Variants in KLF12 observed in about 807,000 individuals in gnomAD.
KLF12 encodes Krueppel-like factor 12.
A neutral mutation model predicts 37.8 loss-of-function variants in KLF12; 9 were observed. The observed-to-expected ratio is 0.24, with a 90% confidence interval of 0.14 to 0.42. The LOEUF (loss-of-function observed/expected upper bound fraction) is 0.42, where lower values mean the gene tolerates loss of function less well. Ranked by LOEUF, KLF12 falls within the 10% of genes least tolerant of loss-of-function variation. KLF12 has a pLI of 1.00. For synonymous variants in KLF12, 208 were observed against 202.1 expected (o/e 1.03, Z -0.25); for missense variants, 411 against 516.0 (o/e 0.80, Z 1.97).
chr13:74,263,189 T>C, the KLF12 span, among the ~76,000 whole-genome samples: 1 of 152,224 alleles, frequency 6.6e-6, no homozygotes, highest in Non-Finnish European at 1.5e-5. Flanking sequence ...CTAACTCTTA[T>C]AGCTAAGTAA....
chr13:73,988,632 A>G (rs1891887963), intron 2 of KLF12, among the ~76,000 whole-genome samples: 1 of 152,198 alleles, frequency 6.6e-6, no homozygotes, highest in Non-Finnish European at 1.5e-5. Context: ...TTATCAACAC[A>G]GAGTAGAACA....
At chr13:74,199,834 T>A in the KLF12 span, among the ~76,000 whole-genome samples, 3 of 152,040 alleles carry the variant, frequency 2.0e-5, no homozygotes, top group African/African-American at 7.2e-5. Context: ...ATACAACAGG[T>A]CGTGGTGATC....
At chr13:74,241,866 C>T in the KLF12 span, among the ~76,000 whole-genome samples, 2 of 152,172 alleles carry the variant, frequency 1.3e-5, no homozygotes, top group African/African-American at 4.8e-5. Context: ...GTGAGATGAA[C>T]CCGGTACCTC....
the KLF12 span, among the ~76,000 whole-genome samples, chr13:74,303,055 G>A: frequency 6.6e-6 from 1 of 152,096 alleles, no homozygotes; most frequent in African/African-American, 2.4e-5. Context: ...GGTATTGATT[G>A]TTATACCAGG....
chr13:73,823,203 C>A (rs74541820), intron 4 of KLF12, among the ~76,000 whole-genome samples: 4,293 of 151,814 alleles, frequency 0.028, 86 homozygotes, highest in African/African-American at 0.044. Context: ...AGATTAAAAT[C>A]TGTTATAATA....
chr13:74,275,927 T>TTCTTTCTG, the KLF12 span, among the ~76,000 whole-genome samples: 1 of 147,454 alleles, frequency 6.8e-6, no homozygotes, highest in Non-Finnish European at 1.5e-5. Context: ...CTTTCTTTCT[T>TTCTTTCTG]TCTTCATTTG....
intron 3 of KLF12, among the ~76,000 whole-genome samples, chr13:73,892,607 T>C (rs868290334): frequency 2.0e-5 from 3 of 152,196 alleles, no homozygotes; most frequent in South Asian, 4.1e-4. Flanking sequence ...AGAAATCTAA[T>C]GGCCATCAAT....
At chr13:74,283,103 CAT>C in the KLF12 span, among the ~76,000 whole-genome samples, 8 of 152,158 alleles carry the variant, frequency 5.3e-5, no homozygotes, top group African/African-American at 1.9e-4. Flanking sequence ...ACAATATGCA[CAT>C]GAGTTTCCAA....
intron 1 of KLF12, among the ~76,000 whole-genome samples, chr13:74,085,665 C>T (rs143663172): frequency 6.6e-6 from 1 of 152,286 alleles, no homozygotes; most frequent in African/African-American, 2.4e-5. Context: ...ATCCACTAGC[C>T]AGCGGGTTTC....
At chr13:74,283,704 T>A in the KLF12 span, among the ~76,000 whole-genome samples, 1 of 152,180 alleles carries the variant, frequency 6.6e-6, no homozygotes, top group Admixed American at 6.5e-5. Context: ...TCTGTTAAAA[T>A]GAGGATAATG....
intron 1 of KLF12, among the ~76,000 whole-genome samples, chr13:74,019,037 GA>G (rs1281353779): frequency 3.9e-5 from 6 of 152,016 alleles, no homozygotes; most frequent in African/African-American, 1.2e-4. Context: ...GCTTGGAGGG[GA>G]AAAAATTTGT....
chr13:73,955,096 A>G (rs963471596), intron 2 of KLF12, among the ~76,000 whole-genome samples: 8 of 152,178 alleles, frequency 5.3e-5, no homozygotes, highest in South Asian at 2.1e-4. Flanking sequence ...TCTGCTTCAT[A>G]TAATTTTTTT....
chr13:73,807,808 C>T (rs1176692990), intron 5 of KLF12, among the ~76,000 whole-genome samples: 1 of 152,190 alleles, frequency 6.6e-6, no homozygotes, highest in Non-Finnish European at 1.5e-5. Flanking sequence ...CCCCACTCTT[C>T]CTCTCTTCAG....
At chr13:74,170,508 T>C in the KLF12 span, among the ~76,000 whole-genome samples, 1 of 152,236 alleles carries the variant, frequency 6.6e-6, no homozygotes, top group Non-Finnish European at 1.5e-5. Context: ...ACCACATATA[T>C]GTACCCTTGT....
At chr13:73,927,495 T>C (rs900948304) in intron 3 of KLF12, among the ~76,000 whole-genome samples, 2 of 152,160 alleles carry the variant, frequency 1.3e-5, no homozygotes, top group African/African-American at 4.8e-5. Context: ...CTCCAAACCT[T>C]TACTAACAAG....
the KLF12 span, among the ~76,000 whole-genome samples, chr13:74,243,898 A>G: frequency 6.6e-6 from 1 of 152,316 alleles, no homozygotes; most frequent in Non-Finnish European, 1.5e-5. Flanking sequence ...CTAGCACACA[A>G]TTTTGAAATT....
intron 1 of KLF12, among the ~76,000 whole-genome samples, chr13:74,132,090 G>C (rs1878290186): frequency 6.6e-6 from 1 of 152,140 alleles, no homozygotes; most frequent in South Asian, 2.1e-4. Context: ...ACATGTGAAT[G>C]AGGTCTGAGA....
intron 7 of KLF12, among the ~76,000 whole-genome samples, chr13:73,710,764 C>T (rs1875337354): frequency 7.7e-6 from 1 of 129,326 alleles, no homozygotes; most frequent in Non-Finnish European, 1.6e-5. Flanking sequence ...GAAATTAGGC[C>T]AGTTAGTAAC....
chr13:74,142,569 A>G, the KLF12 span, among the ~76,000 whole-genome samples: 1 of 152,170 alleles, frequency 6.6e-6, no homozygotes, highest in East Asian at 1.9e-4. Context: ...TGTAAGCTCT[A>G]CAAGGCTTGA....
Sources: gnomAD v4.1 joint callset for allele counts (sites outside exome capture counted in the v4.1 genomes callset) on GRCh38, gnomAD v4.1.1 for gene constraint, MANE v1.5 for transcripts, NCBI Gene and HGNC (gene_info 2026-07-23, HGNC 2026-07-21) for gene names.